The following BRINP3 variants were observed in gnomAD, a reference collection of about 807,000 sequenced individuals.
BRINP3 encodes BMP/retinoic acid inducible neural specific 3.
In BRINP3, 19 loss-of-function variants were observed where a neutral mutation model predicts 71.0. The ratio of observed to expected loss-of-function variants is 0.27; its 90% CI spans 0.19 to 0.39. BRINP3 has a LOEUF of 0.39. Ranked by LOEUF, BRINP3 falls within the 10% of genes least tolerant of loss-of-function variation. The pLI is 1.00. For missense variants in BRINP3, 959 were observed against 940.8 expected, an observed-to-expected ratio of 1.02 and a Z score of -0.25; for synonymous variants, 380 against 337.7, an observed-to-expected ratio of 1.13 and a Z score of -1.37.
chr1:190,161,007 C>G lies in BRINP3; in HGVS notation c.962-117G>C. ...ATACACATATATGTCAAATTAAGAA[C>G]AAATAAATACAGTGCCTCATTTGTG... On this transcript the variant is annotated intron_variant, in intron 6 of 7. Coordinates refer to ENST00000367462, the MANE Select transcript of BRINP3 (RefSeq NM_199051.3). 1.1e-5 allele frequency: 7 copies of G among 660,342 alleles called. No individual in the cohort carries two copies. The South Asian group carries it at 1.5e-4, about 14-fold the overall frequency. The allele number at this position is 660,342 out of a possible 1,614,324, so 40.9% of individuals were successfully genotyped here.
At chr1:190,163,491 T>A (rs1240585455) in intron 6 of BRINP3, among the ~76,000 whole-genome samples, 1 of 152,004 alleles carries the variant, frequency 6.6e-6, no homozygotes, top group Non-Finnish European at 1.5e-5. Flanking sequence ...TTGAGGACAA[T>A]GGAGAAACAA....
intron 2 of BRINP3, among the ~76,000 whole-genome samples, chr1:190,361,736 A>G (rs997655014): frequency 3.9e-5 from 6 of 152,132 alleles, no homozygotes; most frequent in Non-Finnish European, 7.4e-5. Context: ...TATTCTGAAT[A>G]CAGTCAATAA....
intron 7 of BRINP3, among the ~76,000 whole-genome samples, chr1:190,106,588 A>T (rs1036639723): frequency 6.6e-6 from 1 of 151,576 alleles, no homozygotes; most frequent in Non-Finnish European, 1.5e-5. Flanking sequence ...AACAACATAG[A>T]GAGGAAGCTA....
chr1:190,370,906 T>C (rs1669820340), intron 2 of BRINP3, among the ~76,000 whole-genome samples: 1 of 152,230 alleles, frequency 6.6e-6, no homozygotes. Flanking sequence ...TTTAATTTAA[T>C]AATTTTAATT....
In BRINP3 at chr1:190,469,914, T is replaced by C. The variant is rs180752534; in HGVS notation, c.-51+7534A>G. ...CTCATGCTTTAATGGCTAAATTTAG[T>C]TTTTGATTTAATTTAATCACATTTT... is the stretch of plus-strand genomic sequence containing the variant. On this transcript the variant is annotated intron_variant, in intron 1 of 7. Transcript: ENST00000367462. 1.4e-3 allele frequency among the ~76,000 whole-genome samples: 213 copies of C among 151,252 alleles called. 1 individual carries two copies. Among genetic ancestry groups the C allele is most frequent in the African/African-American group, 4.9e-3 (204 of 41,510 alleles).
At chr1:190,125,491 T>C (rs1288939627) in intron 7 of BRINP3, among the ~76,000 whole-genome samples, 1 of 151,944 alleles carries the variant, frequency 6.6e-6, no homozygotes, top group African/African-American at 2.4e-5. Flanking sequence ...ACATGCAAAC[T>C]TTTTTGATAA....
At chr1:190,234,843 C>T (rs1658364936) in intron 4 of BRINP3, among the ~76,000 whole-genome samples, 1 of 152,074 alleles carries the variant, frequency 6.6e-6, no homozygotes, top group Admixed American at 6.6e-5. Context: ...TGTTTTTACT[C>T]AATAAATCAG....
At chr1:190,434,766 GA>G (rs1443278049) in intron 2 of BRINP3, among the ~76,000 whole-genome samples, 1 of 152,084 alleles carries the variant, frequency 6.6e-6, no homozygotes, top group East Asian at 1.9e-4. Flanking sequence ...TAAAAACTTG[GA>G]AAATTAATTT....
At chr1:190,214,784 G>A (rs371076137) in intron 6 of BRINP3, among the ~76,000 whole-genome samples, 54 of 152,038 alleles carry the variant, frequency 3.6e-4, no homozygotes, top group East Asian at 2.3e-3. Context: ...TATAACTCAC[G>A]CTGTAACTCA....
chr1:190,306,589 T>A (rs954489800), intron 2 of BRINP3, among the ~76,000 whole-genome samples: 7 of 151,922 alleles, frequency 4.6e-5, no homozygotes, highest in African/African-American at 1.7e-4. Context: ...AAAATGGCCA[T>A]GACCTAGACC....
chr1:190,471,160 T>G (rs1469312936), intron 1 of BRINP3, among the ~76,000 whole-genome samples: 1 of 151,136 alleles, frequency 6.6e-6, no homozygotes, highest in Non-Finnish European at 1.5e-5. Context: ...GGATATTTCA[T>G]AACCAGTATA....
At chr1:190,174,263 A>G (rs752103878) in intron 6 of BRINP3, among the ~76,000 whole-genome samples, 51 of 152,106 alleles carry the variant, frequency 3.4e-4, no homozygotes, top group Non-Finnish European at 6.8e-4. Flanking sequence ...ATTTTCTCCA[A>G]CATCTAAGTT....
At chr1:190,314,138 C>T (rs556751275) in intron 2 of BRINP3, among the ~76,000 whole-genome samples, 1 of 152,062 alleles carries the variant, frequency 6.6e-6, no homozygotes, top group African/African-American at 2.4e-5. Flanking sequence ...AAAAATACTT[C>T]ATAGACCTTG....
At chr1:190,465,779 T>C (rs1436836523) in intron 1 of BRINP3, among the ~76,000 whole-genome samples, 1 of 151,840 alleles carries the variant, frequency 6.6e-6, no homozygotes, top group South Asian at 2.1e-4. Flanking sequence ...ATCCCACAAG[T>C]CTTTAACAAG....
At chr1:190,355,204 C>T (rs1340822721) in intron 2 of BRINP3, among the ~76,000 whole-genome samples, 1 of 151,806 alleles carries the variant, frequency 6.6e-6, no homozygotes, top group Non-Finnish European at 1.5e-5. Flanking sequence ...AATATTCCAA[C>T]ACTGGAAAAC....
intron 2 of BRINP3, among the ~76,000 whole-genome samples, chr1:190,412,395 T>TA (rs1383060718): frequency 1.6e-4 from 22 of 134,998 alleles, no homozygotes; most frequent in Admixed American, 2.2e-4. Context: ...TATATATATA[T>TA]TATATATATA....
chr1:190,301,691 T>G lies in BRINP3; in HGVS notation c.237-19941A>C, dbSNP rs143001502. Among the ~76,000 whole-genome samples the G allele has an allele frequency of 6.6e-3, 996 of 152,042 alleles. 5 individuals carry two copies. Among genetic ancestry groups the G allele is most frequent in the African/African-American group, 0.021 (884 of 41,550 alleles). ...CAAAGCAAGGTGAGAAAACTATTTC[T>G]GTGTAATTACATAACTATCTCTGTG... On this transcript the variant is annotated intron_variant, in intron 2 of 7. Transcript: ENST00000367462.
At chr1:190,194,577 C>T (rs1355726544) in intron 6 of BRINP3, among the ~76,000 whole-genome samples, 1 of 152,006 alleles carries the variant, frequency 6.6e-6, no homozygotes, top group South Asian at 2.1e-4. Context: ...GTTTTCAAAA[C>T]GAAAAGCAGT....
rs951175128 is a variant in BRINP3, at chr1:190,219,832, C to CA, written c.961+6249dup. 4.6e-4 allele frequency among the ~76,000 whole-genome samples: 61 copies of CA among 133,138 alleles called. No individual in the cohort carries two copies. In the South Asian group the frequency reaches 4.7e-3, roughly 10 times the overall value. 87.3% of individuals were successfully genotyped at this position (133,138 alleles called of 152,430 possible). A position where few individuals can be genotyped will look rare whatever the true frequency, so the allele number is the denominator to read the frequency against. ...CAGCCTGGGTGACAGAGTGAGACTC[C>CA]AAAAAAAAAATTAAAATAATAATAA... On this transcript the variant is annotated intron_variant, in intron 6 of 7. Coordinates refer to ENST00000367462, the MANE Select transcript of BRINP3 (RefSeq NM_199051.3).
Sources: allele counts gnomAD v4.1 joint callset (sites outside exome capture counted in the v4.1 genomes callset), GRCh38; gene constraint gnomAD v4.1.1; transcripts MANE v1.5; gene names NCBI Gene and HGNC (gene_info 2026-07-23, HGNC 2026-07-21).